The following SLC38A9 variants were observed in gnomAD, a reference collection of about 807,000 sequenced individuals.
The protein encoded by SLC38A9 is solute carrier family 38 member 9, also known as neutral amino acid transporter 9.
A neutral mutation model predicts 62.3 loss-of-function variants in SLC38A9; 48 were observed. The ratio of observed to expected loss-of-function variants is 0.77; its 90% CI spans 0.61 to 0.98. SLC38A9 has a LOEUF of 0.98. Ranked by LOEUF, SLC38A9 falls within the 50% of genes least tolerant of loss-of-function variation. The pLI, the probability that SLC38A9 is intolerant of heterozygous loss-of-function variation, is 0.00. For missense variants in SLC38A9, 541 were observed against 679.8 expected (o/e 0.80, Z 2.27); for synonymous variants, 204 against 227.7 (o/e 0.90, Z 0.94).
chr5:55,674,675 G>C (rs1659696275), intron 3 of SLC38A9, among the ~76,000 whole-genome samples: 1 of 152,152 alleles, frequency 6.6e-6, no homozygotes, highest in Admixed American at 6.5e-5. Context: ...TGTTACAGCA[G>C]AATAAAAGGA....
At chr5:55,649,448 C>A in intron 10 of SLC38A9, 134 bp from the exon 11 acceptor site, 1 of 521,322 alleles carries the variant, frequency 1.9e-6, no homozygotes, top group South Asian at 4.0e-5. Context: ...CCACTAACAC[C>A]CAGCTGGGAT....
intron 2 of SLC38A9, among the ~76,000 whole-genome samples, chr5:55,700,448 T>G (rs1044055399): frequency 5.3e-5 from 8 of 151,938 alleles, no homozygotes; most frequent in African/African-American, 1.9e-4. Flanking sequence ...AAGGTCCTTA[T>G]GTTGTCCAGA....
intron 3 of SLC38A9, chr5:55,692,605 A>G (rs1040414368): frequency 3.0e-6 from 3 of 984,836 alleles, no homozygotes; most frequent in Non-Finnish European, 3.6e-6. Flanking sequence ...TAGTTATGCC[A>G]TGATTGTAAA....
intron 13 of SLC38A9, 30 bp from the exon 14 acceptor site, chr5:55,633,932 T>G (rs1743939436): frequency 6.5e-7 from 1 of 1,542,474 alleles, no homozygotes; most frequent in South Asian, 1.2e-5. Context: ...GAGGTCATGT[T>G]AAAAATCAAA....
intron 11 of SLC38A9, among the ~76,000 whole-genome samples, chr5:55,647,590 C>T (rs1342967233): frequency 6.6e-6 from 1 of 152,208 alleles, no homozygotes; most frequent in African/African-American, 2.4e-5. Context: ...TCCTGTCTCT[C>T]AGAGTAATCA....
At chr5:55,661,077 A>C (rs1749438044) in intron 8 of SLC38A9, among the ~76,000 whole-genome samples, 1 of 94,814 alleles carries the variant, frequency 1.1e-5, no homozygotes, top group Admixed American at 1.0e-4. Flanking sequence ...ATCTTTATCA[A>C]GAAAAACTTA....
intron 3 of SLC38A9, among the ~76,000 whole-genome samples, chr5:55,679,204 CACAT>C (rs1405642914): frequency 6.6e-6 from 1 of 152,026 alleles, no homozygotes; most frequent in Non-Finnish European, 1.5e-5. Flanking sequence ...CATGCACACA[CACAT>C]AAGCAGTCTC....
intron 2 of SLC38A9, among the ~76,000 whole-genome samples, chr5:55,700,852 T>C (rs548218427): frequency 1.0e-3 from 157 of 152,316 alleles, no homozygotes; most frequent in African/African-American, 3.6e-3. Context: ...GTTTTTTCCC[T>C]ACGTCACTGG....
intron 3 of SLC38A9, among the ~76,000 whole-genome samples, chr5:55,675,625 T>C (rs918036416): frequency 1.3e-5 from 2 of 152,190 alleles, no homozygotes; most frequent in Admixed American, 6.5e-5. Flanking sequence ...ATTTGAAATG[T>C]AGTTCAGCTG....
At chr5:55,671,056 G>C (rs1189222113) in intron 4 of SLC38A9, among the ~76,000 whole-genome samples, 1 of 152,164 alleles carries the variant, frequency 6.6e-6, no homozygotes, top group East Asian at 1.9e-4. Flanking sequence ...GTTAATGAAT[G>C]TTGGTTCTCT....
At chr5:55,635,300 T>C in intron 13 of SLC38A9, 1 of 535,566 alleles carries the variant, frequency 1.9e-6, no homozygotes, top group Non-Finnish European at 3.4e-6. Context: ...TGGCATGTAG[T>C]ACATTATCTC....
At chr5:55,677,699 T>C (rs1752308400) in intron 3 of SLC38A9, among the ~76,000 whole-genome samples, 1 of 127,238 alleles carries the variant, frequency 7.9e-6, no homozygotes, top group Admixed American at 8.3e-5. Flanking sequence ...GCCCAGCTAA[T>C]TAAAAAAAAA....
intron 7 of SLC38A9, 102 bp downstream of exon 7, chr5:55,669,126 T>C: frequency 2.9e-6 from 2 of 685,246 alleles, no homozygotes; most frequent in Non-Finnish European, 2.4e-6. Flanking sequence ...AGGTACAAAG[T>C]AGACAGCTGA....
rs1742384428 is a variant in SLC38A9, at chr5:55,626,132, T to C, written c.*362A>G. 1.2e-5 allele frequency: 2 copies of C among 166,224 alleles called. No individual in the cohort carries two copies. The highest frequency in any genetic ancestry group is 6.0e-5 in the Admixed American group (1 of 16,572). The allele number at this position is 166,224 out of a possible 1,614,324, so 10.3% of individuals were successfully genotyped here. A position where few individuals can be genotyped will look rare whatever the true frequency, so the allele number is the denominator to read the frequency against. On this transcript the variant is annotated 3_prime_UTR_variant, in exon 16 of 16. Transcript: ENST00000396865. ...ATAAAACAGAAGCAGGATTTGACAA[T>C]ATGCTGCTCTGACACCCTGAGAATC... is the stretch of plus-strand genomic sequence containing the variant.
chr5:55,662,412 C>G (rs1451008623), intron 8 of SLC38A9, among the ~76,000 whole-genome samples: 3 of 152,146 alleles, frequency 2.0e-5, no homozygotes, highest in African/African-American at 7.2e-5. Flanking sequence ...TGGCTCACAC[C>G]TGTAATCCCA....
At chr5:55,708,312 A>G (rs1023254750) in intron 2 of SLC38A9, among the ~76,000 whole-genome samples, 4 of 152,222 alleles carry the variant, frequency 2.6e-5, no homozygotes, top group Admixed American at 6.5e-5. Context: ...CCCAGGTGAC[A>G]GAGTGAGACT....
chr5:55,673,987 C>A (rs1461696903), intron 3 of SLC38A9, among the ~76,000 whole-genome samples: 2 of 152,348 alleles, frequency 1.3e-5, no homozygotes, highest in African/African-American at 4.8e-5. Flanking sequence ...GTTGGGATTA[C>A]AGGCATAAGC....
rs757477122 is a variant in SLC38A9 at position 55,652,589 on chromosome 5, G to A, written c.892C>T (p.Leu298Phe). ...TTGAAATTGAGCAGTGGGAGGAGGA[G>A]CCCTACAAGATAAAAGGGGACTGTC... ...SRTVPFYLVGLLLPLLNFKSP... is the reference protein window; with the variant it reads ...SRTVPFYLVGFLLPLLNFKSP... Residue 298 changes from leucine to phenylalanine, a missense_variant, in exon 10 of 16, where the codon CTC becomes TTC. Leu to Phe is a conservative substitution (Grantham distance 22, BLOSUM62 0). Coordinates refer to ENST00000396865, the MANE Select transcript of SLC38A9 (RefSeq NM_173514.4). The A allele has an allele frequency of 1.9e-5, 30 of 1,611,628 alleles. No homozygotes were observed. Among genetic ancestry groups the A allele is most frequent in the Non-Finnish European group, 2.5e-5 (29 of 1,178,714 alleles).
At chr5:55,671,003 T>C (rs1426943659) in intron 4 of SLC38A9, among the ~76,000 whole-genome samples, 2 of 152,214 alleles carry the variant, frequency 1.3e-5, no homozygotes, top group East Asian at 3.8e-4. Context: ...TTAAATGAGA[T>C]AGCTACATTC....
Sources: gnomAD v4.1 joint callset for allele counts (sites outside exome capture counted in the v4.1 genomes callset) on GRCh38, gnomAD v4.1.1 for gene constraint, MANE v1.5 for transcripts, NCBI Gene and HGNC (gene_info 2026-07-23, HGNC 2026-07-21) for gene names.